The following PIGU variants were observed in gnomAD, a reference collection of about 807,000 sequenced individuals.
PIGU encodes the protein phosphatidylinositol glycan anchor biosynthesis class U, also known as GPI-anchor transamidase component PIGU.
PIGU carries 24 observed loss-of-function variants against 49.9 expected under a neutral mutation model. That is an observed-to-expected ratio of 0.48 (90% CI 0.35 to 0.68). The LOEUF is 0.68. Ranked by LOEUF, PIGU falls within the 30% of genes least tolerant of loss-of-function variation. The probability of loss-of-function intolerance (pLI) is 0.01; values close to 1 mark genes in which losing one functional copy is unlikely to be tolerated. For missense variants in PIGU, 490 were observed against 532.6 expected (o/e 0.92, Z 0.79); for synonymous variants, 220 against 205.7 (o/e 1.07, Z -0.59).
At chr20:34,568,446 G>A (rs536397486) in intron 11 of PIGU, among the ~76,000 whole-genome samples, 9 of 152,258 alleles carry the variant, frequency 5.9e-5, no homozygotes, top group African/African-American at 1.4e-4. Flanking sequence ...ACCGCATATC[G>A]GGAGCAACGA....
intron 1 of PIGU, among the ~76,000 whole-genome samples, chr20:34,670,192 C>CA (rs71194631): frequency 2.2e-5 from 3 of 137,434 alleles, no homozygotes; most frequent in Non-Finnish European, 4.7e-5. Flanking sequence ...GTAATAACGG[C>CA]TTTTTTTTTT....
At chr20:34,581,815 GC>G in intron 9 of PIGU, 143 bp from the exon 10 acceptor site, 1 of 1,144,008 alleles carries the variant, frequency 8.7e-7, no homozygotes, top group Non-Finnish European at 1.2e-6. Flanking sequence ...CAAGGCATGG[GC>G]CAGGCCCCAG....
intron 6 of PIGU, among the ~76,000 whole-genome samples, chr20:34,620,791 A>G (rs1342296166): frequency 1.4e-5 from 2 of 140,900 alleles, no homozygotes; most frequent in Admixed American, 7.4e-5. Context: ...ACACAGCAAG[A>G]CTCCACCTAA....
At position 34,645,349 on chromosome 20, in the gene PIGU, C is replaced by T; in HGVS notation, c.196-15G>A. 1 of 1,548,416 alleles carries T rather than the reference C, an allele frequency of 6.5e-7. No homozygotes were observed. The highest frequency in any genetic ancestry group is 8.6e-7 in the Non-Finnish European group (1 of 1,156,790). On this transcript the variant is annotated splice_polypyrimidine_tract_variant and intron_variant, in intron 2 of 11. Transcript: ENST00000217446. The stretch of plus-strand genomic sequence containing the variant: ...ATTAATGGAGTCTGCAGAAAAAAAA[C>T]AGACATGTAAAAAAAATTAAGTTAA...
intron 7 of PIGU, among the ~76,000 whole-genome samples, chr20:34,598,112 G>T (rs1427231469): frequency 6.6e-6 from 1 of 152,176 alleles, no homozygotes; most frequent in Admixed American, 6.5e-5. Flanking sequence ...GGGAAGGAGT[G>T]CAGTGTAGAA....
At chr20:34,676,504 C>G (rs1470913646) in intron 1 of PIGU, among the ~76,000 whole-genome samples, 1 of 152,192 alleles carries the variant, frequency 6.6e-6, no homozygotes, top group Non-Finnish European at 1.5e-5. Context: ...CACGCACACT[C>G]TCCTCGCTTA....
chr20:34,562,679 A>G, intron 11 of PIGU: 1 of 802,510 alleles, frequency 1.2e-6, no homozygotes, highest in Admixed American at 2.4e-5. Flanking sequence ...ATGGACCCAG[A>G]AAGGTGGTCT....
At chr20:34,629,506 G>C (rs936664819) in intron 6 of PIGU, among the ~76,000 whole-genome samples, 1 of 152,172 alleles carries the variant, frequency 6.6e-6, no homozygotes, top group African/African-American at 2.4e-5. Context: ...ACCTAGATTA[G>C]CCAACTCCAG....
At chr20:34,564,909 G>A (rs909189575) in intron 11 of PIGU, among the ~76,000 whole-genome samples, 1 of 152,242 alleles carries the variant, frequency 6.6e-6, no homozygotes, top group Non-Finnish European at 1.5e-5. Context: ...TCAGTCCTGA[G>A]TGAGCACCCT....
intron 2 of PIGU, among the ~76,000 whole-genome samples, chr20:34,652,900 T>A (rs1986584715): frequency 6.6e-6 from 1 of 152,084 alleles, no homozygotes; most frequent in South Asian, 2.1e-4. Flanking sequence ...ATGTTCCGTG[T>A]ACATTTGAAA....
intron 2 of PIGU, among the ~76,000 whole-genome samples, chr20:34,649,218 C>T (rs752917006): frequency 2.6e-5 from 4 of 151,836 alleles, no homozygotes; most frequent in African/African-American, 7.3e-5. Flanking sequence ...CTTTGACCTT[C>T]TCCTACTTGG....
chr20:34,667,981 C>T (rs1474254977), intron 1 of PIGU, among the ~76,000 whole-genome samples: 1 of 152,050 alleles, frequency 6.6e-6, no homozygotes, highest in East Asian at 1.9e-4. Context: ...AGGACCATAT[C>T]ATCTCAGGGG....
chr20:34,666,179 C>A (rs537770986), intron 1 of PIGU, among the ~76,000 whole-genome samples: 1 of 151,822 alleles, frequency 6.6e-6, no homozygotes, highest in South Asian at 2.1e-4. Flanking sequence ...GAACAAGACT[C>A]CATCTCAAAA....
intron 7 of PIGU, among the ~76,000 whole-genome samples, chr20:34,596,966 T>C (rs935580902): frequency 6.6e-6 from 1 of 152,168 alleles, no homozygotes; most frequent in Non-Finnish European, 1.5e-5. Flanking sequence ...CCACTAGAAT[T>C]GCCAACATTA....
intron 9 of PIGU, among the ~76,000 whole-genome samples, chr20:34,582,998 T>A (rs918145706): frequency 6.6e-6 from 1 of 152,180 alleles, no homozygotes; most frequent in Non-Finnish European, 1.5e-5. Context: ...TTCTGCACAG[T>A]ACCTAGATGC....
chr20:34,562,567 TG>T (rs1184707003), intron 11 of PIGU: 1 of 1,289,258 alleles, frequency 7.8e-7, no homozygotes, highest in Non-Finnish European at 1.0e-6. Flanking sequence ...GAAGCCCATC[TG>T]GAAGGTTGAA....
At chr20:34,627,958 C>T (rs1985556418) in intron 6 of PIGU, among the ~76,000 whole-genome samples, 1 of 152,114 alleles carries the variant, frequency 6.6e-6, no homozygotes, top group African/African-American at 2.4e-5. Flanking sequence ...ATAAATTAAA[C>T]TAATAGGCCT....
intron 7 of PIGU, among the ~76,000 whole-genome samples, chr20:34,599,112 G>A (rs537920329): frequency 1.1e-4 from 16 of 152,164 alleles, no homozygotes; most frequent in South Asian, 4.2e-4. Flanking sequence ...ACTAATGAGC[G>A]CCTACTTCTA....
chr20:34,601,481 G>A (rs1272550415), intron 7 of PIGU, among the ~76,000 whole-genome samples: 1 of 152,106 alleles, frequency 6.6e-6, no homozygotes, highest in African/African-American at 2.4e-5. Context: ...AAACACTAGA[G>A]CCAAACTTAA....
Sources: allele counts gnomAD v4.1 joint callset (sites outside exome capture counted in the v4.1 genomes callset), GRCh38; gene constraint gnomAD v4.1.1; transcripts MANE v1.5; gene names NCBI Gene and HGNC (gene_info 2026-07-23, HGNC 2026-07-21).